The following SYT10 variants were observed in gnomAD, a reference collection of about 807,000 sequenced individuals.
The protein encoded by SYT10 is synaptotagmin 10.
Under a neutral mutation model 51.1 loss-of-function variants are expected in SYT10, and 31 were observed. The ratio of observed to expected loss-of-function variants is 0.61; its 90% CI spans 0.46 to 0.82. The LOEUF (loss-of-function observed/expected upper bound fraction) is 0.82. SYT10 is among the 40% of genes least tolerant of loss of function. SYT10 has a pLI of 0.00. For synonymous variants in SYT10, 233 were observed against 225.9 expected, an observed-to-expected ratio of 1.03 and a Z score of -0.28; for missense variants, 603 against 634.0, an observed-to-expected ratio of 0.95 and a Z score of 0.53.
rs73312108 is a variant in SYT10, at chr12:33,390,157, C to T, written c.1078-4866G>A. On this transcript the variant is annotated intron_variant, in intron 3 of 6. Transcript: ENST00000228567. ...CAGGCTTTGTTTGCTATAGTCCTGG[C>T]GGAGCCTCCTTGAAAAGACCACAAA... Among the ~76,000 whole-genome samples, 548 of 152,276 alleles carry T rather than the reference C, an allele frequency of 3.6e-3. 4 individuals are homozygous for T. Among genetic ancestry groups the T allele is most frequent in the African/African-American group, 0.012 (495 of 41,576 alleles).
chr12:33,427,576 A>G (rs1866563304), intron 1 of SYT10, among the ~76,000 whole-genome samples: 1 of 152,200 alleles, frequency 6.6e-6, no homozygotes, highest in African/African-American at 2.4e-5. Context: ...AAGAAGTTAG[A>G]TTAAGTAGAA....
Position 33,406,851 on chromosome 12 carries a change from ACAAATTATCAAGAAT to A in SYT10, c.1000_1014del (p.Ile334_Leu338del), listed in dbSNP as rs1565495263. 5 of 1,613,886 alleles carry A rather than the reference ACAAATTATCAAGAAT, an allele frequency of 3.1e-6. No homozygotes were observed. The highest frequency in any genetic ancestry group is 4.2e-6 in the Non-Finnish European group (5 of 1,179,994). On this transcript the variant is annotated inframe_deletion, in exon 3 of 7. Transcript: ENST00000228567. ...TCCCTGGAGAGATCAGAGACTTCAA[ACAAATTATCAAGAAT>A]CACTTCCCCAATCATGTCATGTCTA...
intron 3 of SYT10, among the ~76,000 whole-genome samples, chr12:33,391,896 C>A (rs1866211050): frequency 6.6e-6 from 1 of 152,186 alleles, no homozygotes; most frequent in African/African-American, 2.4e-5. Context: ...GAGGCATCTA[C>A]TGTTTGAAGG....
At chr12:33,433,009 C>A (rs1156349611) in intron 1 of SYT10, among the ~76,000 whole-genome samples, 2 of 152,056 alleles carry the variant, frequency 1.3e-5, no homozygotes, top group Non-Finnish European at 2.9e-5. Context: ...CTATGTGAGG[C>A]ATGTTGATGC....
At chr12:33,414,129 G>A (rs1866433072) in intron 2 of SYT10, among the ~76,000 whole-genome samples, 1 of 152,120 alleles carries the variant, frequency 6.6e-6, no homozygotes, top group Non-Finnish European at 1.5e-5. Flanking sequence ...AACAAGAAGA[G>A]CTAACTATCC....
At chr12:33,413,335 C>T (rs575448193) in intron 2 of SYT10, among the ~76,000 whole-genome samples, 1 of 152,154 alleles carries the variant, frequency 6.6e-6, no homozygotes, top group East Asian at 1.9e-4. Context: ...ACTGAGAATG[C>T]CACAAAGATA....
intron 1 of SYT10, among the ~76,000 whole-genome samples, chr12:33,429,435 T>C (rs1262756560): frequency 6.6e-6 from 1 of 152,186 alleles, no homozygotes; most frequent in Admixed American, 6.5e-5. Context: ...TAGGAAAACA[T>C]TAGATGCCTG....
intron 3 of SYT10, among the ~76,000 whole-genome samples, chr12:33,388,816 A>G (rs1347964505): frequency 6.6e-6 from 1 of 152,186 alleles, no homozygotes; most frequent in Non-Finnish European, 1.5e-5. Flanking sequence ...CACAGTTATA[A>G]AGTTTTTTCC....
intron 1 of SYT10, among the ~76,000 whole-genome samples, chr12:33,435,895 G>T (rs1484420847): frequency 6.6e-6 from 1 of 152,088 alleles, no homozygotes; most frequent in African/African-American, 2.4e-5. Context: ...CTAAGAAACT[G>T]AAGAACATAT....
intron 3 of SYT10, among the ~76,000 whole-genome samples, chr12:33,397,374 A>T (rs1428888493): frequency 2.0e-5 from 3 of 152,184 alleles, no homozygotes; most frequent in Non-Finnish European, 4.4e-5. Flanking sequence ...GGGGACAGTT[A>T]CCTGGATTCA....
chr12:33,414,204 A>T lies in SYT10; in HGVS notation c.510-6848T>A, dbSNP rs543277673. 6.4e-4 allele frequency among the ~76,000 whole-genome samples: 97 copies of T among 152,314 alleles called. No individual in the cohort carries two copies. In the South Asian group the frequency reaches 0.02, roughly 31 times the overall value. On this transcript the variant is annotated intron_variant, in intron 2 of 6. Coordinates refer to ENST00000228567, the MANE Select transcript of SYT10 (RefSeq NM_198992.4). ...TAAAGTAAGTCCTTAGAAACATACA[A>T]AGAGACTTAGACTCCCCCACAATAA...
intron 3 of SYT10, among the ~76,000 whole-genome samples, chr12:33,390,516 C>A (rs1866195039): frequency 6.6e-6 from 1 of 151,892 alleles, no homozygotes; most frequent in African/African-American, 2.4e-5. Flanking sequence ...TTTTTTCTGC[C>A]TTCATCTTAC....
At chr12:33,389,635 C>T (rs193019784) in intron 3 of SYT10, among the ~76,000 whole-genome samples, 31 of 151,896 alleles carry the variant, frequency 2.0e-4, no homozygotes, top group East Asian at 5.8e-4. Context: ...ATCATTAACA[C>T]GTATTGAAAA....
chr12:33,401,751 T>C (rs923487434), intron 3 of SYT10, among the ~76,000 whole-genome samples: 3 of 152,178 alleles, frequency 2.0e-5, no homozygotes, highest in African/African-American at 7.2e-5. Flanking sequence ...CAACATCCCA[T>C]TGTTTTTTCC....
intron 6 of SYT10, among the ~76,000 whole-genome samples, chr12:33,379,567 AAAAAAAAAAAAAAG>A (rs1866095440): frequency 6.8e-6 from 1 of 146,968 alleles, no homozygotes; most frequent in African/African-American, 2.6e-5. Context: ...AAAAAAAAAA[AAAAAAAAAAAAAAG>A]AGACTTGCAA....
chr12:33,414,685 T>G (rs1384089215), intron 2 of SYT10, among the ~76,000 whole-genome samples: 1 of 152,148 alleles, frequency 6.6e-6, no homozygotes, highest in East Asian at 1.9e-4. Context: ...AAGCAGTGTG[T>G]AGAAGGAAAT....
At chr12:33,416,389 A>G (rs1866454061) in intron 2 of SYT10, among the ~76,000 whole-genome samples, 1 of 152,046 alleles carries the variant, frequency 6.6e-6, no homozygotes, top group South Asian at 2.1e-4. Flanking sequence ...GGCCCACACC[A>G]TTCTCTTTTA....
At chr12:33,413,416 C>T (rs192872430) in intron 2 of SYT10, among the ~76,000 whole-genome samples, 5,875 of 152,080 alleles carry the variant, frequency 0.039, 362 homozygotes, top group African/African-American at 0.13. Context: ...GGAAAAAATG[C>T]TAAGGGCAGC....
At chr12:33,404,640 C>G (rs969326229) in intron 3 of SYT10, among the ~76,000 whole-genome samples, 1 of 152,180 alleles carries the variant, frequency 6.6e-6, no homozygotes, top group Non-Finnish European at 1.5e-5. Flanking sequence ...ATCCACCCAC[C>G]TTGGCCTCCC....
Sources: allele counts gnomAD v4.1 joint callset (sites outside exome capture counted in the v4.1 genomes callset), GRCh38; gene constraint gnomAD v4.1.1; transcripts MANE v1.5; gene names NCBI Gene and HGNC (gene_info 2026-07-23, HGNC 2026-07-21).